WIPF3: variants seen among roughly 807,000 people sequenced by gnomAD.
WIPF3 encodes the protein WAS/WASL interacting protein family member 3, also known as WAS/WASL-interacting protein family member 3.
A neutral mutation model predicts 38.9 loss-of-function variants in WIPF3; 33 were observed. The ratio of observed to expected loss-of-function variants is 0.85; its 90% confidence interval spans 0.64 to 1.14. The LOEUF (loss-of-function observed/expected upper bound fraction) is 1.14, where lower values mean the gene tolerates loss of function less well. WIPF3 is among the 50% of genes most tolerant of loss of function. The probability of loss-of-function intolerance (pLI) is 0.00; values close to 1 mark genes in which losing one functional copy is unlikely to be tolerated. For missense variants in WIPF3, 711 were observed against 652.5 expected, an observed-to-expected ratio of 1.09 and a Z score of -0.98; for synonymous variants, 324 against 269.3, an observed-to-expected ratio of 1.20 and a Z score of -1.99.
At chr7:29,887,883 G>T (rs1258990030) in intron 5 of WIPF3, among the ~76,000 whole-genome samples, 185 bp from the exon 6 acceptor site, 1 of 152,170 alleles carries the variant, frequency 6.6e-6, no homozygotes, top group Non-Finnish European at 1.5e-5. Context: ...ACACAAAGAG[G>T]CTATGCTACT....
chr7:29,911,032 C>CA (rs34256909), intron 8 of WIPF3, among the ~76,000 whole-genome samples: 70,377 of 148,438 alleles, frequency 0.47, 18,035 homozygotes, highest in East Asian at 0.83. Flanking sequence ...AAGATTCCAC[C>CA]AAAAAAAAAA....
chr7:29,911,127 A>G (rs1786497849), intron 8 of WIPF3, among the ~76,000 whole-genome samples: 1 of 152,198 alleles, frequency 6.6e-6, no homozygotes, highest in African/African-American at 2.4e-5. Flanking sequence ...AACAATGAGC[A>G]ATCTGTAACG....
At chr7:29,848,621 T>A (rs1785041125) in intron 2 of WIPF3, among the ~76,000 whole-genome samples, 1 of 152,218 alleles carries the variant, frequency 6.6e-6, no homozygotes, top group Non-Finnish European at 1.5e-5. Context: ...TGATGGGATA[T>A]TGGTTTATAT....
At chr7:29,897,152 A>G (rs1235142873) in intron 7 of WIPF3, among the ~76,000 whole-genome samples, 2 of 152,338 alleles carry the variant, frequency 1.3e-5, no homozygotes, top group South Asian at 2.1e-4. Context: ...ATGTTGTAGC[A>G]TATGTCAAAA....
intron 4 of WIPF3, among the ~76,000 whole-genome samples, chr7:29,881,908 G>C (rs740145): frequency 0.025 from 3,791 of 152,250 alleles, 86 homozygotes; most frequent in East Asian, 0.076. Flanking sequence ...TCTAGGGCTC[G>C]GGTTTCCATT....
At chr7:29,863,046 T>A (rs1785323400) in intron 2 of WIPF3, among the ~76,000 whole-genome samples, 1 of 152,242 alleles carries the variant, frequency 6.6e-6, no homozygotes, top group Non-Finnish European at 1.5e-5. Context: ...CTGTATTTTT[T>A]ATTTTGTTTG....
At chr7:29,884,691 G>A in intron 5 of WIPF3, 98 bp downstream of exon 5, 2 of 1,438,770 alleles carry the variant, frequency 1.4e-6, no homozygotes, top group Non-Finnish European at 1.8e-6. Flanking sequence ...TTCAGAGATG[G>A]ACACCAGGGG....
At chr7:29,901,054 G>C (rs1465645212) in intron 7 of WIPF3, among the ~76,000 whole-genome samples, 2 of 152,198 alleles carry the variant, frequency 1.3e-5, no homozygotes, top group Non-Finnish European at 2.9e-5. Context: ...GGGAAGAAGA[G>C]CCATCTGTGG....
In WIPF3 at chr7:29,884,588, G is replaced by C. The variant is rs1447696913; in HGVS notation, c.1094G>C (p.Arg365Pro). 4 of 1,604,170 alleles carry C rather than the reference G, an allele frequency of 2.5e-6. No individual in the cohort carries two copies. Among genetic ancestry groups the C allele is most frequent in the South Asian group, 2.3e-5 (2 of 88,810 alleles). Residue 365 changes from arginine (R) to proline (P), a missense_variant, in exon 5 of 9, where the codon CGA becomes CCA. Physicochemically the swap from Arg to Pro is moderately radical, Grantham distance 103 (BLOSUM62 -2). Transcript: ENST00000242140. The part of the protein sequence containing the change: ...QPFLQKKRHG[R>P]PGAGGGKLNP... ...TTCCTGCAGAAGAAGAGGCATGGCC[G>C]ACCAGGTAAGGAGCGCTGCCTGGCC...
intron 7 of WIPF3, among the ~76,000 whole-genome samples, chr7:29,897,558 A>T (rs1786176888): frequency 1.3e-5 from 2 of 152,154 alleles, no homozygotes; most frequent in South Asian, 4.2e-4. Flanking sequence ...TTTGTGATTG[A>T]ACTCCTATTT....
At chr7:29,857,104 A>G (rs10228709) in intron 2 of WIPF3, among the ~76,000 whole-genome samples, 2,786 of 152,220 alleles carry the variant, frequency 0.018, 88 homozygotes, top group African/African-American at 0.065. Flanking sequence ...AAGGGATTGG[A>G]TGAGAATGGC....
chr7:29,815,607 C>T (rs1242838750), intron 1 of WIPF3, among the ~76,000 whole-genome samples: 1 of 152,096 alleles, frequency 6.6e-6, no homozygotes, highest in Non-Finnish European at 1.5e-5. Context: ...GGGAACAGAG[C>T]CCCCACGTGT....
At chr7:29,839,519 C>T (rs936261234) in intron 2 of WIPF3, among the ~76,000 whole-genome samples, 1 of 152,136 alleles carries the variant, frequency 6.6e-6, no homozygotes, top group Non-Finnish European at 1.5e-5. Context: ...TACAAGGAGG[C>T]GCACAGAGCG....
At chr7:29,837,681 A>G (rs1233537195) in intron 2 of WIPF3, among the ~76,000 whole-genome samples, 1 of 152,156 alleles carries the variant, frequency 6.6e-6, no homozygotes, top group Non-Finnish European at 1.5e-5. Flanking sequence ...TAGAAAAATA[A>G]TGTGTACACT....
intron 4 of WIPF3, among the ~76,000 whole-genome samples, chr7:29,881,242 A>G (rs1046647687): frequency 6.6e-6 from 1 of 152,216 alleles, no homozygotes; most frequent in Admixed American, 6.5e-5. Flanking sequence ...ACCACCTGAC[A>G]TATCATGTAT....
At chr7:29,882,173 AG>A (rs1456022901) in intron 4 of WIPF3, among the ~76,000 whole-genome samples, 2 of 152,220 alleles carry the variant, frequency 1.3e-5, no homozygotes, top group Admixed American at 6.5e-5. Context: ...ACTCACTTTA[AG>A]GGTTTTTGAA....
chr7:29,854,172 C>A (rs1409434306), intron 2 of WIPF3, among the ~76,000 whole-genome samples: 2 of 152,184 alleles, frequency 1.3e-5, no homozygotes, highest in Non-Finnish European at 2.9e-5. Flanking sequence ...TCCATAGGTT[C>A]ACCAGTGACA....
chr7:29,865,686 G>C (rs1002004068), intron 2 of WIPF3, among the ~76,000 whole-genome samples: 1 of 152,202 alleles, frequency 6.6e-6, no homozygotes, highest in Admixed American at 6.5e-5. Flanking sequence ...CCAATCCAGA[G>C]AGATTTGGAA....
intron 2 of WIPF3, among the ~76,000 whole-genome samples, chr7:29,850,521 G>C (rs1385351002): frequency 6.6e-6 from 1 of 152,222 alleles, no homozygotes; most frequent in Non-Finnish European, 1.5e-5. Context: ...CAGCAGGTCT[G>C]GTTCTTTGTG....
Sources: gnomAD v4.1 joint callset for allele counts (sites outside exome capture counted in the v4.1 genomes callset) on GRCh38, gnomAD v4.1.1 for gene constraint, MANE v1.5 for transcripts, NCBI Gene and HGNC (gene_info 2026-07-23, HGNC 2026-07-21) for gene names.